ANKRD2: variants seen among roughly 807,000 people sequenced by gnomAD.
The protein encoded by ANKRD2 is ankyrin repeat domain 2, also known as ankyrin repeat domain-containing protein 2.
ANKRD2 carries 35 observed loss-of-function variants against 37.3 expected under a neutral mutation model. That is an observed-to-expected ratio of 0.94 (90% CI 0.72 to 1.24). The LOEUF is 1.24. Among genes scored for constraint, ANKRD2 ranks in the 50% most tolerant of loss-of-function variants. The probability of loss-of-function intolerance (pLI) is 0.00; values close to 1 mark genes in which losing one functional copy is unlikely to be tolerated. For synonymous variants in ANKRD2, 159 were observed against 186.5 expected (o/e 0.85, Z 1.20); for missense variants, 410 against 445.6 (o/e 0.92, Z 0.72).
chr10:97,581,399 C>T lies in ANKRD2; in HGVS notation c.639C>T (p.Thr213=). The T allele has an allele frequency of 6.2e-7, 1 of 1,614,110 alleles. No individual in the cohort carries two copies. The highest frequency in any genetic ancestry group is 8.5e-7 in the Non-Finnish European group (1 of 1,179,982). ...TTCTGCAAAGCCATGGAGCAGACAC[C>T]AATGTGAGGGATAAGGTGAGGCAAA... is the stretch of plus-strand genomic sequence containing the variant. ...VKLLQSHGAD[T]NVRDKLLSTP... Residue 213 remains threonine (T), a synonymous_variant, in exon 6 of 9, where the codon ACC becomes ACT. Transcript: ENST00000370655.
At position 97,583,674 on chromosome 10, in the gene ANKRD2, G is replaced by A. The variant is rs760242035; in HGVS notation, c.951G>A (p.Glu317=). 9 of 1,601,244 alleles carry A rather than the reference G, an allele frequency of 5.6e-6. No homozygotes were observed. The highest frequency in any genetic ancestry group is 7.7e-6 in the Non-Finnish European group (9 of 1,174,590). The change falls in exon 9 of 9, where the codon GAG becomes GAA. Residue 317 remains glutamate, a synonymous_variant. Coordinates refer to ENST00000370655, the MANE Select transcript of ANKRD2 (RefSeq NM_001346793.2). ...PEPGAEHNGL[E]GPNDSGRETP... ...CGGGGGCTGAGCATAACGGGCTGGA[G>A]GGGCCTAATGATAGTGGGCGAGAGA...
intron 1 of ANKRD2, among the ~76,000 whole-genome samples, chr10:97,574,933 A>G (rs2040806905): frequency 6.7e-6 from 1 of 148,358 alleles, no homozygotes; most frequent in Non-Finnish European, 1.5e-5. Flanking sequence ...GGGGACGCAG[A>G]GCAGTGTCTT....
intron 8 of ANKRD2, among the ~76,000 whole-genome samples, chr10:97,583,206 G>A (rs925498000): frequency 6.6e-6 from 1 of 152,134 alleles, no homozygotes; most frequent in Non-Finnish European, 1.5e-5. Context: ...CACAAAAGGA[G>A]GCCATGGGAG....
chr10:97,580,501 T>G (rs571757746), intron 4 of ANKRD2, among the ~76,000 whole-genome samples: 1 of 152,256 alleles, frequency 6.6e-6, no homozygotes, highest in East Asian at 1.9e-4. Flanking sequence ...AGCCCTGGCC[T>G]AGAGGTTTCA....
chr10:97,583,650 G>A lies in ANKRD2; in HGVS notation c.927G>A (p.Pro309=), dbSNP rs773157878. ...GGCACGCCCTGGAGCATCCTGAGCC[G>A]GGGGCTGAGCATAACGGGCTGGAGG... is the stretch of plus-strand genomic sequence containing the variant. ...DTRHALEHPE[P]GAEHNGLEGP... Residue 309 remains proline, a synonymous_variant, in exon 9 of 9, where the codon CCG becomes CCA. Transcript: ENST00000370655. 52 of 1,605,090 alleles carry A rather than the reference G, an allele frequency of 3.2e-5. No homozygotes were observed. Among genetic ancestry groups the A allele is most frequent in the Middle Eastern group, 1.7e-4 (1 of 6,008 alleles).
rs1047478852 is a variant in ANKRD2, at chr10:97,582,340, C to A, written c.680C>A (p.Ala227Glu). The A allele has an allele frequency of 1.3e-6, 2 of 1,558,760 alleles. No individual in the cohort carries two copies. Among genetic ancestry groups the A allele is most frequent in the Admixed American group, 3.9e-5 (2 of 51,868 alleles). The change falls in exon 7 of 9, where the codon GCA (alanine) becomes GAA (glutamate). Residue 227 changes from alanine (A) to glutamate (E), a missense_variant. Ala to Glu is a moderately radical substitution (Grantham distance 107). Coordinates refer to ENST00000370655, the MANE Select transcript of ANKRD2 (RefSeq NM_001346793.2). ...CTGCTGAGCACCCCGCTGCACGTGG[C>A]AGTCCGGACAGGGCAGGTGGAGATT... ...DKLLSTPLHV[A>E]VRTGQVEIVE...
intron 4 of ANKRD2, among the ~76,000 whole-genome samples, chr10:97,580,198 C>A (rs76277608): frequency 0.01 from 1,592 of 152,250 alleles, 14 homozygotes; most frequent in Non-Finnish European, 0.017. Context: ...AAAAAACAGA[C>A]CAGGGTTGGT....
chr10:97,572,883 C>A lies in ANKRD2; in HGVS notation c.87+8C>A. On this transcript the variant is annotated splice_region_variant and intron_variant, in intron 1 of 8. Transcript: ENST00000370655. The stretch of plus-strand genomic sequence containing the variant: ...CAGGAGGAGGAGAATGAGGTGCGAG[C>A]AGGGGTGGAGGTGCCCAAGGGGGTC... The A allele has an allele frequency of 1.9e-6, 3 of 1,550,596 alleles. No homozygotes were observed. The highest frequency in any genetic ancestry group is 1.2e-5 in the South Asian group (1 of 84,006).
upstream of ANKRD2, chr10:97,572,547 A>C (rs867172659): frequency 2.1e-5 from 19 of 884,294 alleles, no homozygotes; most frequent in African/African-American, 2.9e-4. Context: ...TCCTTCCTGC[A>C]CCCCTGCTCT....
At chr10:97,578,144 G>GGGCCCCCCCCCCCCCCCC in intron 2 of ANKRD2, 96 bp from the exon 3 acceptor site, 22 of 685,390 alleles carry the variant, frequency 3.2e-5, no homozygotes, top group Non-Finnish European at 4.2e-5. Context: ...GGGTCTTCCT[G>GGGCCCCCCCCCCCCCCCC]CCCACCCCAC....
rs755389038 is a variant in ANKRD2, at chr10:97,578,510, G to A, written c.361G>A (p.Asp121Asn). 5.1e-5 allele frequency: 80 copies of A among 1,583,590 alleles called. No homozygotes were observed. In the Admixed American group the frequency reaches 1.4e-3, roughly 28 times the overall value. Residue 121 changes from aspartate (D) to asparagine (N), a missense_variant, in exon 4 of 9, where the codon GAT (aspartate) becomes AAT (asparagine). Asp to Asn is a conservative substitution (Grantham distance 23). Transcript: ENST00000370655. Reference sequence around the variant, plus strand: ...TCCACATCTGCAGACTGGCCCTGTGGATGAGGAGACCTTCCTGAAAGCTGC... The same window carrying A: ...TCCACATCTGCAGACTGGCCCTGTGAATGAGGAGACCTTCCTGAAAGCTGC... ...PEPEEITGPV[D>N]EETFLKAAVE...
At chr10:97,583,165 G>A (rs758036322) in intron 8 of ANKRD2, among the ~76,000 whole-genome samples, 3 of 152,218 alleles carry the variant, frequency 2.0e-5, no homozygotes, top group Non-Finnish European at 2.9e-5. Flanking sequence ...GGAACACTTA[G>A]TCCAAGTTCT....
At chr10:97,573,352 G>A (rs1487970800) in intron 1 of ANKRD2, among the ~76,000 whole-genome samples, 4 of 152,314 alleles carry the variant, frequency 2.6e-5, no homozygotes, top group Admixed American at 1.3e-4. Context: ...GTCCTTTGGC[G>A]TGTGGTGTTC....
chr10:97,578,394 A>T lies in ANKRD2; in HGVS notation c.344A>T (p.Glu115Val). 6.2e-7 allele frequency: 1 copy of T among 1,613,672 alleles called. No homozygotes were observed. The highest frequency in any genetic ancestry group is 1.3e-5 in the African/African-American group (1 of 75,014). Residue 115 changes from glutamate (E) to valine (V), a missense_variant, in exon 3 of 9, where the codon GAG becomes GTG. Glu to Val is a moderately radical substitution (Grantham distance 121, BLOSUM62 -2). Coordinates refer to ENST00000370655, the MANE Select transcript of ANKRD2 (RefSeq NM_001346793.2). ...ASHEPPPEPE[E>V]ITGPVDEETF... ...CATGAGCCGCCCCCAGAGCCCGAGG[A>T]GATCGTAAGGGTCCTGGGGAGGACA...
chr10:97,582,804 A>T (rs1013795830), intron 8 of ANKRD2, 102 bp downstream of exon 8: 44 of 1,036,186 alleles, frequency 4.2e-5, no homozygotes, highest in Non-Finnish European at 5.8e-5. Context: ...GACATGTATC[A>T]TTGGCTCTGG....
rs1247301143 is a variant in ANKRD2, at chr10:97,577,795, A to G, written c.88-5A>G. On this transcript the variant is annotated splice_polypyrimidine_tract_variant and splice_region_variant and intron_variant, in intron 1 of 8. Coordinates refer to ENST00000370655, the MANE Select transcript of ANKRD2 (RefSeq NM_001346793.2). ...CTGGAGAAGGTGCCCTCTTTGGATC[A>G]CCAGAAACTCCGAGGAGACGCACGC... 1 of 1,553,950 alleles carries G rather than the reference A, an allele frequency of 6.4e-7. No individual in the cohort carries two copies. The highest frequency in any genetic ancestry group is 1.2e-5 in the South Asian group (1 of 84,112).
intron 1 of ANKRD2, among the ~76,000 whole-genome samples, chr10:97,577,273 G>T (rs1417814348): frequency 6.6e-6 from 1 of 151,988 alleles, no homozygotes; most frequent in Non-Finnish European, 1.5e-5. Flanking sequence ...CAAAGTGCTG[G>T]GATTATAGAG....
chr10:97,580,858 C>G lies in ANKRD2; in HGVS notation c.460C>G (p.Arg154Gly). The G allele has an allele frequency of 1.2e-6, 2 of 1,609,808 alleles. No individual in the cohort carries two copies. The highest frequency in any genetic ancestry group is 1.7e-6 in the Non-Finnish European group (2 of 1,178,352). Residue 154 changes from arginine to glycine, a missense_variant, in exon 5 of 9, where the codon CGT becomes GGT. Arg to Gly is a moderately radical substitution (Grantham distance 125). Coordinates refer to ENST00000370655, the MANE Select transcript of ANKRD2 (RefSeq NM_001346793.2). ...CTGACAGCCTCTCTGGGGACAGTTC[C>G]GTCGGACAGCACTGCACCGAGCTTC... ...GGSADTCDQF[R>G]RTALHRASLE...
chr10:97,578,578 C>T lies in ANKRD2; in HGVS notation c.429C>T (p.Asp143=). 1.3e-6 allele frequency: 2 copies of T among 1,561,684 alleles called. No homozygotes were observed. Among genetic ancestry groups the T allele is most frequent in the South Asian group, 1.2e-5 (1 of 84,836 alleles). The change falls in exon 4 of 9, where the codon GAC becomes GAT. Residue 143 remains aspartate (D), a synonymous_variant. Coordinates refer to ENST00000370655, the MANE Select transcript of ANKRD2 (RefSeq NM_001346793.2). ...KMKVIEKFLA[D]GGSADTCDQF... ...AGGTCATTGAGAAGTTCCTGGCTGA[C>T]GGGGGGTCAGCCGACACGTGCGACC...
Sources: allele counts gnomAD v4.1 joint callset (sites outside exome capture counted in the v4.1 genomes callset), GRCh38; gene constraint gnomAD v4.1.1; transcripts MANE v1.5; gene names NCBI Gene and HGNC (gene_info 2026-07-23, HGNC 2026-07-21).